The following PCNX1 variants were observed in gnomAD, a reference collection of about 807,000 sequenced individuals.
PCNX1 encodes pecanex 1, also known as pecanex-like protein 1.
PCNX1 carries 78 observed loss-of-function variants against 242.2 expected under a neutral mutation model. The observed-to-expected ratio is 0.32, with a 90% CI of 0.27 to 0.39. The LOEUF (loss-of-function observed/expected upper bound fraction) is 0.39, where lower values mean the gene tolerates loss of function less well. PCNX1 is among the 10% of genes least tolerant of loss of function. PCNX1 has a pLI of 1.00. For missense variants in PCNX1, 2,581 were observed against 2,856.5 expected, an observed-to-expected ratio of 0.90 and a Z score of 2.20; for synonymous variants, 1,024 against 1,032.9, an observed-to-expected ratio of 0.99 and a Z score of 0.17.
chr14:71,062,596 C>T (rs2061354356), intron 26 of PCNX1, among the ~76,000 whole-genome samples: 1 of 151,728 alleles, frequency 6.6e-6, no homozygotes, highest in Non-Finnish European at 1.5e-5. Flanking sequence ...AGCGTTATTA[C>T]AAAGGAGTCA....
At position 70,908,015 on chromosome 14, in the gene PCNX1, G is replaced by A; in HGVS notation, c.153+12G>A. 1.9e-6 allele frequency: 3 copies of A among 1,564,334 alleles called. No individual in the cohort carries two copies. Among genetic ancestry groups the A allele is most frequent in the Admixed American group, 1.9e-5 (1 of 52,498 alleles). ...TCACCCTCTACATGGTGAGTGTGGG[G>A]GCGGGGAGCGGGTGGCTCCTTCCCC... On this transcript the variant is annotated intron_variant, in intron 1 of 35. Transcript: ENST00000304743.
chr14:70,952,362 CATT>C (rs1184666406), intron 2 of PCNX1, among the ~76,000 whole-genome samples: 1 of 152,098 alleles, frequency 6.6e-6, no homozygotes, highest in African/African-American at 2.4e-5. Context: ...AGAAATAAAA[CATT>C]ATAAAAATAC....
intron 2 of PCNX1, among the ~76,000 whole-genome samples, chr14:70,954,022 T>C (rs2140393491): frequency 6.6e-6 from 1 of 152,360 alleles, no homozygotes; most frequent in South Asian, 2.1e-4. Flanking sequence ...TATTCTGTAT[T>C]GTCTTTTTGA....
chr14:70,910,201 CTCCTCG>C lies in PCNX1; in HGVS notation c.153+2204_153+2209del, dbSNP rs1566808965. Among the ~76,000 whole-genome samples, 52 of 49,578 alleles carry C rather than the reference CTCCTCG, an allele frequency of 1.0e-3. 5 individuals are homozygous for C. The highest frequency in any genetic ancestry group is 1.3e-3 in the Non-Finnish European group (30 of 22,250). The allele number at this position is 49,578 out of a possible 152,430, so 32.5% of individuals were successfully genotyped here. On this transcript the variant is annotated intron_variant, in intron 1 of 35. Coordinates refer to ENST00000304743, the MANE Select transcript of PCNX1 (RefSeq NM_014982.3). ...CCTCCTCCTCCTCCTCCTCCTCCTC[CTCCTCG>C]TCCTCCTCCTCCTCCTCCTCCTCTC...
chr14:71,114,150 TGAG>T lies in PCNX1; in HGVS notation c.*4218_*4220del, dbSNP rs1435980582. 5 of 152,186 alleles carry T rather than the reference TGAG, an allele frequency of 3.3e-5. No homozygotes were observed. Among genetic ancestry groups the T allele is most frequent in the African/African-American group, 1.2e-4 (5 of 41,444 alleles). The allele number at this position is 152,186 out of a possible 1,614,324, so 9.4% of individuals were successfully genotyped here. The stretch of plus-strand genomic sequence containing the variant: ...TACATGGATATTGTTTCATTGGTGT[TGAG>T]GAAGAAAAAAATTAGATACTACCAT... On this transcript the variant is annotated 3_prime_UTR_variant, in exon 36 of 36. Coordinates refer to ENST00000304743, the MANE Select transcript of PCNX1 (RefSeq NM_014982.3).
chr14:70,958,558 T>C (rs1041817412), intron 2 of PCNX1, among the ~76,000 whole-genome samples: 24 of 152,192 alleles, frequency 1.6e-4, no homozygotes, highest in African/African-American at 4.6e-4. Flanking sequence ...TCTCTTCTTC[T>C]CGCCAGTCTC....
In PCNX1 at chr14:70,969,118, C is replaced by T. The variant is rs367861815; in HGVS notation, c.604+8C>T. The stretch of plus-strand genomic sequence containing the variant: ...AAGGAAGTGAAGAACAAGGTAAGAA[C>T]GTTATACTTTACCATGATGTCATAT... On this transcript the variant is annotated splice_region_variant and intron_variant, in intron 5 of 35. Coordinates refer to ENST00000304743, the MANE Select transcript of PCNX1 (RefSeq NM_014982.3). 8.8e-5 allele frequency: 135 copies of T among 1,534,842 alleles called. No homozygotes were observed. The highest frequency in any genetic ancestry group is 1.1e-4 in the Non-Finnish European group (124 of 1,107,810).
At chr14:71,023,966 G>A (rs548235415) in intron 13 of PCNX1, among the ~76,000 whole-genome samples, 2 of 152,006 alleles carry the variant, frequency 1.3e-5, no homozygotes, top group Non-Finnish European at 2.9e-5. Flanking sequence ...TTACTGTTTT[G>A]TAAGAATATT....
At chr14:71,055,685 T>A (rs1251538623) in intron 25 of PCNX1, 123 bp downstream of exon 25, 1 of 568,476 alleles carries the variant, frequency 1.8e-6, no homozygotes, top group Non-Finnish European at 3.1e-6. Flanking sequence ...TTTTAAAAAC[T>A]AAATATTATT....
chr14:71,078,638 T>C (rs1013502167), intron 28 of PCNX1: 6 of 152,230 alleles, frequency 3.9e-5, no homozygotes, highest in African/African-American at 1.4e-4. Flanking sequence ...CTAATTTTTT[T>C]CTTTCAGCAA....
intron 1 of PCNX1, among the ~76,000 whole-genome samples, chr14:70,933,992 G>A (rs1331456754): frequency 1.3e-5 from 2 of 152,210 alleles, no homozygotes; most frequent in Non-Finnish European, 2.9e-5. Flanking sequence ...GATAGTGAAA[G>A]TTATCAATCC....
chr14:71,004,835 T>C (rs1056370487), intron 8 of PCNX1, among the ~76,000 whole-genome samples: 7 of 152,228 alleles, frequency 4.6e-5, no homozygotes, highest in Non-Finnish European at 8.8e-5. Context: ...GATTATTTCT[T>C]GAATAACATT....
At position 71,099,687 on chromosome 14, in the gene PCNX1, C is replaced by T. The variant is rs927446067; in HGVS notation, c.5590-2303C>T. ...CACTGTCAGTGGGGTATTGAAGTCC[C>T]GTACTATTACTATGTGGCTAAGTCT... On this transcript the variant is annotated intron_variant, in intron 30 of 35. Coordinates refer to ENST00000304743, the MANE Select transcript of PCNX1 (RefSeq NM_014982.3). Among the ~76,000 whole-genome samples the T allele has an allele frequency of 2.6e-5, 4 of 152,074 alleles. No individual in the cohort carries two copies. The South Asian group carries it at 6.2e-4, about 24-fold the overall frequency.
chr14:70,990,899 T>C (rs1044964485), intron 7 of PCNX1, among the ~76,000 whole-genome samples: 8 of 152,290 alleles, frequency 5.3e-5, no homozygotes, highest in Non-Finnish European at 8.8e-5. Context: ...CTCTTCTTTT[T>C]GCCCCTTGAA....
intron 2 of PCNX1, among the ~76,000 whole-genome samples, chr14:70,950,858 C>T (rs933347400): frequency 6.6e-6 from 1 of 151,460 alleles, no homozygotes; most frequent in Non-Finnish European, 1.5e-5. Context: ...TATATTAGCT[C>T]TTCTGTGTCA....
chr14:71,011,008 C>T (rs2059806836), intron 9 of PCNX1, among the ~76,000 whole-genome samples: 1 of 152,042 alleles, frequency 6.6e-6, no homozygotes, highest in Admixed American at 6.5e-5. Context: ...AATGCTGTTA[C>T]CATGTTTAAT....
chr14:71,013,528 A>G (rs1275707625), intron 11 of PCNX1, among the ~76,000 whole-genome samples: 1 of 152,018 alleles, frequency 6.6e-6, no homozygotes, highest in East Asian at 1.9e-4. Flanking sequence ...AAAGTTCTAT[A>G]TAACAGTTAT....
chr14:71,012,987 C>T lies in PCNX1; in HGVS notation c.2781C>T (p.Leu927=), dbSNP rs766745613. 1 of 1,609,254 alleles carries T rather than the reference C, an allele frequency of 6.2e-7. No homozygotes were observed. Among genetic ancestry groups the T allele is most frequent in the South Asian group, 1.1e-5 (1 of 90,960 alleles). Reference sequence around the variant, plus strand: ...TTTCAATGCTGACTTTCTTTTAGCTCTCTCTCCCACAGATTCGATTGAATA... The same window carrying T: ...TTTCAATGCTGACTTTCTTTTAGCTTTCTCTCCCACAGATTCGATTGAATA... ...TSVRFYPHDV[L]SLPQIRLNRL... The change falls in exon 11 of 36, where the codon CTC becomes CTT. Residue 927 remains leucine, a splice_region_variant and synonymous_variant. Transcript: ENST00000304743.
intron 26 of PCNX1, among the ~76,000 whole-genome samples, chr14:71,066,332 C>T (rs1228354439): frequency 1.3e-5 from 2 of 152,104 alleles, no homozygotes; most frequent in African/African-American, 2.4e-5. Context: ...CCTTCGCATC[C>T]CTTGTAAGTT....
Sources: gnomAD v4.1 joint callset for allele counts (sites outside exome capture counted in the v4.1 genomes callset) on GRCh38, gnomAD v4.1.1 for gene constraint, MANE v1.5 for transcripts, NCBI Gene and HGNC (gene_info 2026-07-23, HGNC 2026-07-21) for gene names.